HEATR4: variants seen among roughly 807,000 people sequenced by gnomAD.
HEATR4 encodes HEAT repeat-containing protein 4.
In HEATR4, 95 loss-of-function variants were observed where a neutral mutation model predicts 108.8. The ratio of observed to expected loss-of-function variants is 0.87; its 90% CI spans 0.74 to 1.04. The LOEUF (loss-of-function observed/expected upper bound fraction) is 1.04, where lower values mean the gene tolerates loss of function less well. HEATR4 is among the 50% of genes least tolerant of loss of function. HEATR4 has a pLI of 0.00. For synonymous variants in HEATR4, 443 were observed against 459.4 expected (o/e 0.96, Z 0.46); for missense variants, 1,152 against 1,253.8 (o/e 0.92, Z 1.23).
chr14:73,590,076 C>T, the HEATR4 span, among the ~76,000 whole-genome samples: 5 of 152,182 alleles, frequency 3.3e-5, no homozygotes, highest in African/African-American at 7.2e-5. Context: ...AACAAACCTT[C>T]CCGCAACGTA....
At chr14:73,621,717 A>G in the HEATR4 span, among the ~76,000 whole-genome samples, 1 of 148,506 alleles carries the variant, frequency 6.7e-6, no homozygotes, top group Non-Finnish European at 1.5e-5. Flanking sequence ...CTCTGTGTTG[A>G]GTATAGTCAT....
At chr14:73,561,087 T>C (rs8009604), upstream of HEATR4, among the ~76,000 whole-genome samples, 3,316 of 151,968 alleles carry the variant, frequency 0.022, 101 homozygotes, top group African/African-American at 0.076. Context: ...TGAAATGGGC[T>C]GGGCGTGGTG....
chr14:73,575,833 T>C, the HEATR4 span, among the ~76,000 whole-genome samples: 13 of 151,742 alleles, frequency 8.6e-5, no homozygotes, highest in Admixed American at 8.5e-4. Flanking sequence ...GGTACGTAAA[T>C]GGAGTTCAAT....
At position 73,519,030 on chromosome 14, in the gene HEATR4, A is replaced by C. The variant is rs757631652; in HGVS notation, c.1203T>G (p.Pro401=). The change falls in exon 5 of 18, where the codon CCT becomes CCG. Residue 401 remains proline, a synonymous_variant. Coordinates refer to ENST00000553558, the MANE Select transcript of HEATR4 (RefSeq NM_001220484.1). Reference sequence around the variant, plus strand: ...TGTTAGCTTCCTGCTTACATGCTTCAGGAATTGCCTGGGCACTCCACTTTT... The same window carrying C: ...TGTTAGCTTCCTGCTTACATGCTTCCGGAATTGCCTGGGCACTCCACTTTT... ...TPEKWSAQAI[P]EASYRPVQGA... 1.2e-6 allele frequency: 2 copies of C among 1,612,378 alleles called. No individual in the cohort carries two copies. Among genetic ancestry groups the C allele is most frequent in the Non-Finnish European group, 1.7e-6 (2 of 1,179,232 alleles).
At chr14:73,613,467 A>G in the HEATR4 span, among the ~76,000 whole-genome samples, 5 of 152,198 alleles carry the variant, frequency 3.3e-5, no homozygotes, top group African/African-American at 1.2e-4. Context: ...TTTCACATCA[A>G]ACTTCCAAAG....
chr14:73,589,571 G>A, the HEATR4 span, among the ~76,000 whole-genome samples: 2 of 152,058 alleles, frequency 1.3e-5, no homozygotes, highest in Admixed American at 6.6e-5. Flanking sequence ...CGCCCAACTC[G>A]GCCTCCCACA....
intron 8 of HEATR4, among the ~76,000 whole-genome samples, chr14:73,508,624 C>T (rs753342717): frequency 1.8e-4 from 27 of 151,838 alleles, no homozygotes; most frequent in Non-Finnish European, 2.9e-4. Flanking sequence ...TGGCATGCGC[C>T]TGTAATCCCA....
chr14:73,487,383 A>G (rs1885492962), intron 17 of HEATR4, among the ~76,000 whole-genome samples: 2 of 152,130 alleles, frequency 1.3e-5, no homozygotes, highest in Admixed American at 1.3e-4. Context: ...CCTGGCCAAC[A>G]TGGGAAACCC....
chr14:73,583,890 C>T, the HEATR4 span, among the ~76,000 whole-genome samples: 2 of 151,910 alleles, frequency 1.3e-5, no homozygotes, highest in Admixed American at 1.3e-4. Context: ...GTCCCAGCTA[C>T]TCAGGAGGCT....
chr14:73,612,770 G>A, the HEATR4 span: 23 of 1,367,060 alleles, frequency 1.7e-5, no homozygotes, highest in East Asian at 6.5e-4. Context: ...GCGCGCGCCC[G>A]CGCTGGGAGG....
intron 1 of HEATR4, chr14:73,543,226 A>G: frequency 6.2e-7 from 1 of 1,602,878 alleles, no homozygotes; most frequent in Non-Finnish European, 8.5e-7. Context: ...GCGTCAACAG[A>G]AATCGCATCA....
intron 10 of HEATR4, among the ~76,000 whole-genome samples, chr14:73,504,576 GC>G (rs1201005102): frequency 6.6e-6 from 1 of 152,054 alleles, no homozygotes; most frequent in Non-Finnish European, 1.5e-5. Flanking sequence ...CCTAGGTGAC[GC>G]CTGTGCTGCT....
chr14:73,491,068 GCGCCGGCGCAAGCCCCAGCCACACA>G, intron 17 of HEATR4: 1 of 1,594,408 alleles, frequency 6.3e-7, no homozygotes, highest in Non-Finnish European at 8.5e-7. Flanking sequence ...GGCGGCCGAA[GCGCCGGCGCAAGCCCCAGCCACACA>G]GCGGGTCGGT....
intron 1 of HEATR4, among the ~76,000 whole-genome samples, chr14:73,532,974 TAAAAA>T (rs1888754199): frequency 9.1e-6 from 1 of 110,374 alleles, no homozygotes; most frequent in Non-Finnish European, 2.0e-5. Context: ...AATAAATAAA[TAAAAA>T]GAAAAGAAAA....
At chr14:73,511,894 GTT>G in intron 7 of HEATR4, 110 bp downstream of exon 7, 1 of 1,346,280 alleles carries the variant, frequency 7.4e-7, no homozygotes, top group Non-Finnish European at 1.0e-6. Context: ...CTAAGTCTTG[GTT>G]TCCACATTTG....
chr14:73,612,594 A>G, the HEATR4 span: 1 of 1,410,650 alleles, frequency 7.1e-7, no homozygotes, highest in Non-Finnish European at 9.3e-7. Context: ...CTGATCCTGG[A>G]GCCCGCGGGC....
chr14:73,502,993 G>T lies in HEATR4; in HGVS notation c.2007C>A (p.Ile669=), dbSNP rs1275570140. The T allele has an allele frequency of 1.2e-6, 2 of 1,613,586 alleles. No individual in the cohort carries two copies. ...TATTCCAGTCATTCCACATCAGCTG[G>T]ATCAACTTATGTTTCATATCCTATA... ...NVCLDMKHKL[I]QLMWNDWNKE... is the part of the protein sequence containing the mutation. Residue 669 remains isoleucine (I), a synonymous_variant, in exon 11 of 18, where the codon ATC becomes ATA. Coordinates refer to ENST00000553558, the MANE Select transcript of HEATR4 (RefSeq NM_001220484.1).
At chr14:73,491,937 C>T (rs200766349) in intron 17 of HEATR4, 7 of 1,613,806 alleles carry the variant, frequency 4.3e-6, no homozygotes, top group Admixed American at 3.3e-5. Flanking sequence ...TTCTCTACTA[C>T]TGTGTGGCAG....
At chr14:73,621,274 C>T in the HEATR4 span, among the ~76,000 whole-genome samples, 1 of 152,160 alleles carries the variant, frequency 6.6e-6, no homozygotes, top group East Asian at 1.9e-4. Flanking sequence ...TGTGGATATA[C>T]TTCTTTTACG....
Sources: gnomAD v4.1 joint callset for allele counts (sites outside exome capture counted in the v4.1 genomes callset) on GRCh38, gnomAD v4.1.1 for gene constraint, MANE v1.5 for transcripts, NCBI Gene and HGNC (gene_info 2026-07-23, HGNC 2026-07-21) for gene names.